The following ZNF213 variants were observed in gnomAD, a reference collection of about 807,000 sequenced individuals.
ZNF213 encodes putative transcription factor CR53.
Under a neutral mutation model 46.0 loss-of-function variants are expected in ZNF213, and 32 were observed. The ratio of observed to expected loss-of-function variants is 0.70; its 90% CI spans 0.52 to 0.93. ZNF213 has a LOEUF of 0.93. Ranked by LOEUF, ZNF213 falls within the 40% of genes least tolerant of loss-of-function variation. The pLI, the probability that ZNF213 is intolerant of heterozygous loss-of-function variation, is 0.00. For missense variants in ZNF213, 639 were observed against 652.8 expected (o/e 0.98, Z 0.23); for synonymous variants, 297 against 271.0 (o/e 1.10, Z -0.94).
At chr16:3,139,656 G>T (rs147903390) in intron 5 of ZNF213, 1 of 142,918 alleles carries the variant, frequency 7.0e-6, no homozygotes, top group African/African-American at 2.6e-5. Context: ...TGAGTTTGGA[G>T]AACTAGAGCC....
At chr16:3,138,918 C>G in intron 4 of ZNF213, 57 bp from the exon 5 acceptor site, 2 of 1,613,844 alleles carry the variant, frequency 1.2e-6, no homozygotes, top group Non-Finnish European at 1.7e-6. Flanking sequence ...TCTGACCCAT[C>G]CTGTCCCCGC....
At chr16:3,138,879 G>T in intron 4 of ZNF213, 61 bp downstream of exon 4, 1 of 1,613,658 alleles carries the variant, frequency 6.2e-7, no homozygotes, top group South Asian at 1.1e-5. Context: ...TTGTAAAATG[G>T]GACTTGCTGT....
intron 5 of ZNF213, chr16:3,139,304 C>T (rs1957577355): frequency 1.5e-6 from 1 of 667,942 alleles, no homozygotes; most frequent in Non-Finnish European, 2.4e-6. Context: ...CTGCCCAGCC[C>T]TGCAGTTGCT....
At chr16:3,139,262 G>A (rs566371035) in intron 5 of ZNF213, 164 bp downstream of exon 5, 27 of 1,089,648 alleles carry the variant, frequency 2.5e-5, no homozygotes, top group East Asian at 1.3e-4. Flanking sequence ...GTTTTTGTGC[G>A]TTTCCACATG....
At chr16:3,136,284 G>A (rs770858802) in intron 1 of ZNF213, among the ~76,000 whole-genome samples, 20 of 152,160 alleles carry the variant, frequency 1.3e-4, no homozygotes, top group Admixed American at 6.5e-4. Context: ...AAGCCCTTCT[G>A]TGACACCTCA....
rs1033166822 is a variant in ZNF213 at position 3,141,210 on chromosome 16, T to A, written c.1243T>A (p.Tyr415Asn). The change falls in exon 6 of 6, where the codon TAC becomes AAC. Residue 415 changes from tyrosine (Y) to asparagine (N), a missense_variant. Coordinates refer to ENST00000396878, the MANE Select transcript of ZNF213 (RefSeq NM_004220.3). ...DCGKSFSLRS[Y>N]LLDHRRVHTG... Reference sequence around the variant, plus strand: ...CGGCAAGAGCTTCTCGCTGCGCTCCTACCTGCTGGACCATCGGCGTGTGCA... The same window carrying A: ...CGGCAAGAGCTTCTCGCTGCGCTCCAACCTGCTGGACCATCGGCGTGTGCA... 5 of 1,612,478 alleles carry A rather than the reference T, an allele frequency of 3.1e-6. No individual in the cohort carries two copies. Among genetic ancestry groups the A allele is most frequent in the Non-Finnish European group, 4.2e-6 (5 of 1,179,914 alleles).
Position 3,141,276 on chromosome 16 carries a change from A to G in ZNF213, c.1309A>G (p.Ser437Gly). 6.2e-7 allele frequency: 1 copy of G among 1,611,216 alleles called. No homozygotes were observed. The highest frequency in any genetic ancestry group is 8.5e-7 in the Non-Finnish European group (1 of 1,179,784). Residue 437 changes from serine to glycine, a missense_variant, in exon 6 of 6, where the codon AGC (serine) becomes GGC (glycine). Transcript: ENST00000396878. ...CTTCGGCTGCGGAGAGTGCGACAAG[A>G]GCTTCAAGCAGCGCGCGCACCTCAT... ...RPFGCGECDK[S>G]FKQRAHLIAH...
rs989601326 is a variant in ZNF213, at chr16:3,135,068, T to G, written c.-435T>G. 4 of 123,078 alleles carry G rather than the reference T, an allele frequency of 3.2e-5. No homozygotes were observed. The highest frequency in any genetic ancestry group is 3.0e-4 in the Admixed American group (3 of 9,960). The allele number at this position is 123,078 out of a possible 1,614,324, so 7.6% of individuals were successfully genotyped here. ...CCGGGAGCTCGCGGCGGAAGTGGGA[T>G]CTCCTGGGCCGTAGTGGGCGTTGTG... On this transcript the variant is annotated 5_prime_UTR_variant, in exon 1 of 6. Transcript: ENST00000396878.
At chr16:3,139,864 C>G (rs1323345659) in intron 5 of ZNF213, 2 of 152,108 alleles carry the variant, frequency 1.3e-5, no homozygotes, top group African/African-American at 4.8e-5. Context: ...CTGCCTCAGC[C>G]TGAGTAGCTG....
chr16:3,138,712 TG>T (rs1361099496), intron 3 of ZNF213, 32 bp from the exon 4 acceptor site: 1 of 1,613,754 alleles, frequency 6.2e-7, no homozygotes, highest in Non-Finnish European at 8.5e-7. Flanking sequence ...AAGCCTGGGC[TG>T]GCCTTTCTAA....
Position 3,139,052 on chromosome 16 carries a change from T to C in ZNF213, c.675T>C (p.Asp225=), listed in dbSNP as rs1362701266. 2.5e-6 allele frequency: 4 copies of C among 1,614,022 alleles called. No individual in the cohort carries two copies. The East Asian group carries it at 6.7e-5, about 27-fold the overall frequency. Residue 225 remains aspartate, a synonymous_variant, in exon 5 of 6, where the codon GAT becomes GAC. Transcript: ENST00000396878. ...GCACCCTGGACCCTGCTCAGCGGGATCTCTTCTGGGACATAAAGCGGGAGA... is the reference window on the plus strand; with the variant it reads ...GCACCCTGGACCCTGCTCAGCGGGACCTCTTCTGGGACATAAAGCGGGAGA... The part of the protein sequence containing the change: ...EWGTLDPAQR[D]LFWDIKRENS...
intron 1 of ZNF213, among the ~76,000 whole-genome samples, chr16:3,136,518 C>T (rs1957539410): frequency 6.6e-6 from 1 of 152,080 alleles, no homozygotes; most frequent in Admixed American, 6.5e-5. Flanking sequence ...GAGTTTGAGA[C>T]CATCCTGGCC....
At position 3,141,339 on chromosome 16, in the gene ZNF213, G is replaced by A. The variant is rs1439288736; in HGVS notation, c.1372G>A (p.Val458Met). The change falls in exon 6 of 6, where the codon GTG (valine) becomes ATG (methionine). Residue 458 changes from valine to methionine, a missense_variant. Transcript: ENST00000396878. ...QSLHAKMAQP[V>M]G ...CCTGCACGCCAAGATGGCCCAGCCC[G>A]TGGGGTGAGCAGCTGGCTTGGCCGG... 3.2e-6 allele frequency: 5 copies of A among 1,551,602 alleles called. No individual in the cohort carries two copies. Among genetic ancestry groups the A allele is most frequent in the Non-Finnish European group, 3.5e-6 (4 of 1,151,114 alleles).
In ZNF213 at chr16:3,135,123, C is replaced by CG. The variant is rs58762000; in HGVS notation, c.-380_-379insG. 1 of 114,458 alleles carries CG rather than the reference C, an allele frequency of 8.7e-6. No homozygotes were observed. Among genetic ancestry groups the CG allele is most frequent in the Non-Finnish European group, 1.7e-5 (1 of 57,500 alleles). 7.1% of individuals were successfully genotyped at this position (114,458 alleles called of 1,614,324 possible). Reference sequence around the variant, plus strand: ...TCGGGGGCGGGGGCGGGGGCGGGGGCCGGGGCGGGGACGGGGCCTCTGGCC... The same window carrying CG: ...TCGGGGGCGGGGGCGGGGGCGGGGGCGCGGGGCGGGGACGGGGCCTCTGGCC... On this transcript the variant is annotated 5_prime_UTR_variant, in exon 1 of 6. Coordinates refer to ENST00000396878, the MANE Select transcript of ZNF213 (RefSeq NM_004220.3).
In ZNF213 at chr16:3,138,293, A is replaced by G. The variant is rs1010220427; in HGVS notation, c.400-125A>G. ...TCCTCCGGACTTTTCCTGGGGCACC[A>G]TATTGGTCTCCTTCCCACACCCCAG... On this transcript the variant is annotated intron_variant, in intron 2 of 5. Transcript: ENST00000396878. 6 of 1,521,052 alleles carry G rather than the reference A, an allele frequency of 3.9e-6. No homozygotes were observed. In the African/African-American group the frequency reaches 8.4e-5, roughly 21 times the overall value. 94.2% of individuals were successfully genotyped at this position (1,521,052 alleles called of 1,614,324 possible).
At chr16:3,138,303 C>G in intron 2 of ZNF213, 115 bp from the exon 3 acceptor site, 1 of 1,536,118 alleles carries the variant, frequency 6.5e-7, no homozygotes, top group Non-Finnish European at 8.7e-7. Context: ...ATATTGGTCT[C>G]CTTCCCACAC....
intron 5 of ZNF213, 45 bp downstream of exon 5, chr16:3,139,143 C>A: frequency 6.2e-7 from 1 of 1,602,290 alleles, no homozygotes; most frequent in Non-Finnish European, 8.5e-7. Flanking sequence ...GCCCCCGATT[C>A]TGCTGGAACT....
In ZNF213 at chr16:3,137,587, G is replaced by A. The variant is rs1428544046; in HGVS notation, c.307G>A (p.Gly103Ser). ...GACAGTGCTGCCAGGGGAGATCCAG[G>A]GCTGGGTGCGTGAGCAGCACCCGGG... is the stretch of plus-strand genomic sequence containing the variant. ...FLTVLPGEIQ[G>S]WVREQHPGSG... Residue 103 changes from glycine (G) to serine (S), a missense_variant, in exon 2 of 6, where the codon GGC (glycine) becomes AGC (serine). Gly to Ser is a moderately conservative substitution (Grantham distance 56). Coordinates refer to ENST00000396878, the MANE Select transcript of ZNF213 (RefSeq NM_004220.3). 1 of 1,613,920 alleles carries A rather than the reference G, an allele frequency of 6.2e-7. No homozygotes were observed. Among genetic ancestry groups the A allele is most frequent in the Non-Finnish European group, 8.5e-7 (1 of 1,180,040 alleles).
rs1423225709 is a variant in ZNF213, at chr16:3,140,883, C to T, written c.916C>T (p.Arg306Cys). The T allele has an allele frequency of 1.3e-6, 2 of 1,577,772 alleles. No individual in the cohort carries two copies. The highest frequency in any genetic ancestry group is 1.7e-6 in the Non-Finnish European group (2 of 1,165,504). ...ACGGGGGCGGCCACCCACTCGCCGGCGCCAGTTCCGGGACCTGGCAGCCGA... is the reference window on the plus strand; with the variant it reads ...ACGGGGGCGGCCACCCACTCGCCGGTGCCAGTTCCGGGACCTGGCAGCCGA... The part of the protein sequence containing the change: ...ARRGRPPTRR[R>C]QFRDLAAEKP... Residue 306 changes from arginine to cysteine, a missense_variant, in exon 6 of 6, where the codon CGC becomes TGC. Physicochemically the swap from Arg to Cys is radical, Grantham distance 180. Transcript: ENST00000396878.
Sources: allele counts gnomAD v4.1 joint callset (sites outside exome capture counted in the v4.1 genomes callset), GRCh38; gene constraint gnomAD v4.1.1; transcripts MANE v1.5; gene names NCBI Gene and HGNC (gene_info 2026-07-23, HGNC 2026-07-21).